The following ITGAE variants were observed in gnomAD, a reference collection of about 807,000 sequenced individuals.
ITGAE encodes integrin alpha-E.
In ITGAE, 99 loss-of-function variants were observed where a neutral mutation model predicts 136.5. The ratio of observed to expected loss-of-function variants is 0.73; its 90% confidence interval spans 0.62 to 0.86. The LOEUF (loss-of-function observed/expected upper bound fraction) is 0.86. Ranked by LOEUF, ITGAE falls within the 40% of genes least tolerant of loss-of-function variation. The pLI, the probability that ITGAE is intolerant of heterozygous loss-of-function variation, is 0.00. For missense variants in ITGAE, 1,447 were observed against 1,515.3 expected (o/e 0.95, Z 0.75); for synonymous variants, 613 against 591.8 (o/e 1.04, Z -0.52).
chr17:3,764,820 G>T (rs2052255952), intron 2 of ITGAE, among the ~76,000 whole-genome samples: 2 of 152,198 alleles, frequency 1.3e-5, no homozygotes. Context: ...GCCCAGTCCA[G>T]GGAGACGGCA....
At chr17:3,767,091 CTTTTT>C (rs774955924) in intron 2 of ITGAE, among the ~76,000 whole-genome samples, 3 of 142,470 alleles carry the variant, frequency 2.1e-5, no homozygotes, top group Non-Finnish European at 4.6e-5. Context: ...TCTCCAAATT[CTTTTT>C]TTTTTTTTTC....
intron 1 of ITGAE, among the ~76,000 whole-genome samples, chr17:3,780,717 T>C (rs2052648739): frequency 6.6e-6 from 1 of 152,054 alleles, no homozygotes; most frequent in Admixed American, 6.6e-5. Flanking sequence ...TTTTATTTTA[T>C]TGAGACAAGA....
intron 15 of ITGAE, 64 bp from the exon 16 acceptor site, chr17:3,750,546 T>C: frequency 6.3e-7 from 1 of 1,591,926 alleles, no homozygotes; most frequent in South Asian, 1.1e-5. Context: ...GGGGAGTCCT[T>C]TCATGATCTA....
At position 3,779,483 on chromosome 17, in the gene ITGAE, A is replaced by G. The variant is rs542016258; in HGVS notation, c.35-1823T>C. Among the ~76,000 whole-genome samples the G allele has an allele frequency of 1.5e-3, 223 of 152,018 alleles. 4 individuals are homozygous for G. In the Middle Eastern group the frequency reaches 0.027, roughly 19 times the overall value. On this transcript the variant is annotated intron_variant, in intron 1 of 30. Transcript: ENST00000263087. ...GCTGGGATTACAGGCGCCTGCCACCATGCCCGGCTAATTTTTTGTATTTTT... is the reference window on the plus strand; with the variant it reads ...GCTGGGATTACAGGCGCCTGCCACCGTGCCCGGCTAATTTTTTGTATTTTT...
At chr17:3,775,007 C>G (rs1012433948) in intron 2 of ITGAE, among the ~76,000 whole-genome samples, 1 of 152,032 alleles carries the variant, frequency 6.6e-6, no homozygotes, top group South Asian at 2.1e-4. Context: ...GTGGCACAAT[C>G]GCGGCTCACT....
chr17:3,728,660 A>C (rs1436660504), intron 24 of ITGAE, among the ~76,000 whole-genome samples: 1 of 148,702 alleles, frequency 6.7e-6, no homozygotes, highest in Non-Finnish European at 1.5e-5. Flanking sequence ...GGCGTGAGCC[A>C]CCGCACCTGG....
In ITGAE at chr17:3,780,675, C is replaced by T. The variant is rs142876350; in HGVS notation, c.35-3015G>A. On this transcript the variant is annotated intron_variant, in intron 1 of 30. Coordinates refer to ENST00000263087, the MANE Select transcript of ITGAE (RefSeq NM_002208.5). Reference sequence around the variant, plus strand: ...CTCGAACTCCCGACTTCAGATGATCCGCCCGCCTCAGCCTCCCAAATATTT... The same window carrying T: ...CTCGAACTCCCGACTTCAGATGATCTGCCCGCCTCAGCCTCCCAAATATTT... 7.0e-4 allele frequency among the ~76,000 whole-genome samples: 107 copies of T among 152,192 alleles called. 1 individual carries two copies. Among genetic ancestry groups the T allele is most frequent in the South Asian group, 1.9e-3 (9 of 4,826 alleles).
rs2053166031 is a variant in ITGAE, at chr17:3,798,128, C to T, written c.34+2983G>A. The stretch of plus-strand genomic sequence containing the variant: ...ATGTGGGGCTCCCACACGGCCCACA[C>T]TCCCCCAGCCAGCTCTCCCCCACAC... On this transcript the variant is annotated intron_variant, in intron 1 of 30. Transcript: ENST00000263087. The surrounding 1 kb of genome is among the most constrained non-coding windows in gnomAD (Gnocchi z 4.3). 6.6e-6 allele frequency among the ~76,000 whole-genome samples: 1 copy of T among 152,234 alleles called. No homozygotes were observed. The highest frequency in any genetic ancestry group is 1.5e-5 in the Non-Finnish European group (1 of 68,044).
intron 24 of ITGAE, 180 bp downstream of exon 24, chr17:3,729,298 C>T (rs2915555): frequency 0.3 from 173,917 of 582,732 alleles, 29,417 homozygotes; most frequent in South Asian, 0.49. Flanking sequence ...AGTGGGGTTT[C>T]TGTGACCCAA....
intron 12 of ITGAE, 89 bp downstream of exon 12, chr17:3,755,028 T>G (rs2051975384): frequency 2.4e-5 from 25 of 1,024,542 alleles, no homozygotes; most frequent in South Asian, 9.8e-5. Context: ...CTCGCCCACG[T>G]AGCCCTCAGG....
chr17:3,745,589 G>A lies in ITGAE; in HGVS notation c.2319+175C>T, dbSNP rs547619294. ...ACTCCTGACCTCAAGTGATCCCCCC[G>A]CCTTGGCCTCCCAAAGTGCTGGGAT... On this transcript the variant is annotated intron_variant, in intron 18 of 30. Coordinates refer to ENST00000263087, the MANE Select transcript of ITGAE (RefSeq NM_002208.5). 3.8e-3 allele frequency among the ~76,000 whole-genome samples: 575 copies of A among 152,222 alleles called. 4 individuals carry two copies. The highest frequency in any genetic ancestry group is 0.013 in the African/African-American group (538 of 41,536).
At chr17:3,759,819 T>C (rs1287329063) in intron 7 of ITGAE, among the ~76,000 whole-genome samples, 1 of 152,232 alleles carries the variant, frequency 6.6e-6, no homozygotes, top group Non-Finnish European at 1.5e-5. Context: ...TGACTGGCTT[T>C]GGCCAATAAG....
In ITGAE at chr17:3,751,674, G is replaced by T; in HGVS notation, c.1869C>A (p.Asp623Glu). 3 of 1,613,850 alleles carry T rather than the reference G, an allele frequency of 1.9e-6. No homozygotes were observed. The highest frequency in any genetic ancestry group is 2.5e-6 in the Non-Finnish European group (3 of 1,179,872). ...CCTGCGAGGGGCTGGCGGAGAGGCC[G>T]TCCCAGTGTCCATTGTAGATATACA... Reference protein sequence around the residue: ...GSVYIYNGHWDGLSASPSQRI... With the variant: ...GSVYIYNGHWEGLSASPSQRI... The change falls in exon 15 of 31, where the codon GAC becomes GAA. Residue 623 changes from aspartate (D) to glutamate (E), a missense_variant. Asp to Glu is a conservative substitution (Grantham distance 45). Around this residue, in one of 3 missense-constraint regions of ITGAE, gnomAD observed 1,031 missense variants for 1,011.4 expected, o/e 1.02. Coordinates refer to ENST00000263087, the MANE Select transcript of ITGAE (RefSeq NM_002208.5).
intron 22 of ITGAE, among the ~76,000 whole-genome samples, chr17:3,731,480 TACAGGC>T (rs2051342304): frequency 1.3e-5 from 2 of 151,718 alleles, no homozygotes; most frequent in Non-Finnish European, 2.9e-5. Context: ...TAGCTGGGAT[TACAGGC>T]ACGCACCACC....
chr17:3,750,888 A>T (rs754717471), intron 15 of ITGAE, among the ~76,000 whole-genome samples: 2 of 146,778 alleles, frequency 1.4e-5, no homozygotes, highest in African/African-American at 2.5e-5. Context: ...CACTGAAGAC[A>T]TGGGGTGGAA....
intron 8 of ITGAE, among the ~76,000 whole-genome samples, chr17:3,758,515 G>C (rs170212): frequency 0.68 from 103,701 of 151,884 alleles, 36,629 homozygotes; most frequent in African/African-American, 0.78. Context: ...GCAATAGCAC[G>C]ATCTCAGCTC....
intron 15 of ITGAE, 87 bp downstream of exon 15, chr17:3,751,563 G>T: frequency 8.0e-7 from 1 of 1,249,214 alleles, no homozygotes; most frequent in Non-Finnish European, 1.2e-6. Context: ...CAGCACTTAG[G>T]ACTGAAGCCG....
intron 21 of ITGAE, 49 bp downstream of exon 21, chr17:3,734,768 C>T (rs542528255): frequency 1.6e-5 from 26 of 1,608,756 alleles, no homozygotes; most frequent in Admixed American, 1.3e-4. Context: ...AGGCATGCAG[C>T]GAGGGAGGGG....
In ITGAE at chr17:3,726,989, A is replaced by C. The variant is rs562180892; in HGVS notation, c.3084+930T>G. 2.6e-5 allele frequency among the ~76,000 whole-genome samples: 4 copies of C among 152,050 alleles called. No individual in the cohort carries two copies. The South Asian group carries it at 8.3e-4, about 32-fold the overall frequency. On this transcript the variant is annotated intron_variant, in intron 26 of 30. Transcript: ENST00000263087. ...GTGATCCACCCACCTCGGCATCCCA[A>C]AGTGCTGGGTGATTACAGGAGTGAG...
Sources: gnomAD v4.1 joint callset for allele counts (sites outside exome capture counted in the v4.1 genomes callset) on GRCh38, gnomAD v4.1.1 for gene constraint, gnomAD v4.1.1 regional missense constraint, Gnocchi (gnomAD v3.1) non-coding constraint, MANE v1.5 for transcripts, NCBI Gene and HGNC (gene_info 2026-07-23, HGNC 2026-07-21) for gene names.